Variants in ADAMTS17 observed in about 807,000 individuals in gnomAD.
The protein encoded by ADAMTS17 is ADAM metallopeptidase with thrombospondin type 1 motif 17.
In ADAMTS17, 113 loss-of-function variants were observed where a neutral mutation model predicts 141.5. The observed-to-expected ratio is 0.80, with a 90% CI of 0.69 to 0.93. The LOEUF (loss-of-function observed/expected upper bound fraction) is 0.93, where lower values mean the gene tolerates loss of function less well. Ranked by LOEUF, ADAMTS17 falls within the 40% of genes least tolerant of loss-of-function variation. The pLI is 0.00. For missense variants in ADAMTS17, 1,659 were observed against 1,517.9 expected, an observed-to-expected ratio of 1.09 and a Z score of -1.54; for synonymous variants, 768 against 630.6, an observed-to-expected ratio of 1.22 and a Z score of -3.27.
chr15:100,096,573 T>C (rs2035772808), intron 14 of ADAMTS17, 97 bp from the exon 15 acceptor site: 3 of 1,539,106 alleles, frequency 1.9e-6, no homozygotes, highest in Middle Eastern at 1.8e-4. Flanking sequence ...AGGTGCAGCA[T>C]ACATGGGGCC....
At chr15:100,038,459 T>C (rs2030952652) in intron 18 of ADAMTS17, among the ~76,000 whole-genome samples, 1 of 152,206 alleles carries the variant, frequency 6.6e-6, no homozygotes, top group East Asian at 1.9e-4. Context: ...ATTTGTAGAG[T>C]ATTGTTATCT....
intron 2 of ADAMTS17, among the ~76,000 whole-genome samples, chr15:100,339,893 G>C (rs988128059): frequency 6.6e-6 from 1 of 152,052 alleles, no homozygotes; most frequent in East Asian, 1.9e-4. Flanking sequence ...TCTCACATAA[G>C]ACCTTGCACC....
chr15:100,004,398 A>T (rs2060994364), intron 18 of ADAMTS17, among the ~76,000 whole-genome samples: 1 of 152,150 alleles, frequency 6.6e-6, no homozygotes, highest in Admixed American at 6.5e-5. Flanking sequence ...CACCTACGAC[A>T]CTTGAACGAC....
chr15:100,058,119 G>A (rs1039352265), intron 15 of ADAMTS17, among the ~76,000 whole-genome samples: 1 of 150,592 alleles, frequency 6.6e-6, no homozygotes, highest in African/African-American at 2.4e-5. Context: ...CTCCCTCCAG[G>A]GCCTCTGCCC....
intron 15 of ADAMTS17, among the ~76,000 whole-genome samples, chr15:100,071,413 A>G (rs1303428501): frequency 6.7e-6 from 1 of 150,014 alleles, no homozygotes; most frequent in Non-Finnish European, 1.5e-5. Flanking sequence ...TCATCCTGAT[A>G]CCAAAGCCTG....
chr15:100,231,766 G>C (rs2042489221), intron 7 of ADAMTS17, among the ~76,000 whole-genome samples: 1 of 152,156 alleles, frequency 6.6e-6, no homozygotes, highest in Admixed American at 6.5e-5. Flanking sequence ...TCAATGGTCT[G>C]TTGCCTCCTT....
At chr15:100,124,442 C>T (rs912386986) in intron 12 of ADAMTS17, among the ~76,000 whole-genome samples, 7 of 152,220 alleles carry the variant, frequency 4.6e-5, no homozygotes, top group African/African-American at 1.4e-4. Context: ...CACACGCATC[C>T]GAACGGCCAA....
chr15:100,326,479 G>C (rs908290101), intron 3 of ADAMTS17, among the ~76,000 whole-genome samples: 1 of 152,208 alleles, frequency 6.6e-6, no homozygotes, highest in African/African-American at 2.4e-5. Context: ...CAGGTGGAAT[G>C]AGGAGCTCAT....
In ADAMTS17 at chr15:100,281,118, C is replaced by T. The variant is rs1370171456; in HGVS notation, c.789+111G>A. 8 of 1,464,374 alleles carry T rather than the reference C, an allele frequency of 5.5e-6. No homozygotes were observed. In the Admixed American group the frequency reaches 1.3e-4, roughly 24 times the overall value. The allele number at this position is 1,464,374 out of a possible 1,614,324, so 90.7% of individuals were successfully genotyped here. A position where few individuals can be genotyped will look rare whatever the true frequency, so the allele number is the denominator to read the frequency against. ...TTACCAGGCTATGTTCCCGTATCCC[C>T]AACCCAGCGTCTTCCTCACTTGAGG... On this transcript the variant is annotated intron_variant, in intron 4 of 21. Coordinates refer to ENST00000268070, the MANE Select transcript of ADAMTS17 (RefSeq NM_139057.4).
At position 100,030,358 on chromosome 15, in the gene ADAMTS17, C is replaced by T. The variant is rs77381118; in HGVS notation, c.2591+18499G>A. ...TTATGTACTTCAATTTCATCAGGCT[C>T]CTTCCTTCAGTGGTATTTAAACCCA... On this transcript the variant is annotated intron_variant, in intron 18 of 21. Transcript: ENST00000268070. Among the ~76,000 whole-genome samples, 17 of 152,270 alleles carry T rather than the reference C, an allele frequency of 1.1e-4. No individual in the cohort carries two copies. The East Asian group carries it at 3.3e-3, about 29-fold the overall frequency.
chr15:100,110,348 T>C (rs1474190254), intron 13 of ADAMTS17, among the ~76,000 whole-genome samples: 1 of 151,302 alleles, frequency 6.6e-6, no homozygotes, highest in Non-Finnish European at 1.5e-5. Context: ...CAATGCAAAC[T>C]CCGCCTCCCA....
intron 8 of ADAMTS17, among the ~76,000 whole-genome samples, chr15:100,179,420 C>G (rs1010978569): frequency 6.6e-6 from 1 of 152,242 alleles, no homozygotes; most frequent in Middle Eastern, 3.4e-3. Flanking sequence ...GTGGTAAGTA[C>G]CATATTTTTT....
chr15:100,142,791 G>T (rs536058576), intron 10 of ADAMTS17, among the ~76,000 whole-genome samples: 1 of 152,128 alleles, frequency 6.6e-6, no homozygotes, highest in African/African-American at 2.4e-5. Context: ...GGAGTATTAC[G>T]TAGAAACAAT....
intron 4 of ADAMTS17, among the ~76,000 whole-genome samples, chr15:100,267,214 C>T (rs1361025595): frequency 1.3e-5 from 2 of 152,066 alleles, no homozygotes; most frequent in African/African-American, 4.8e-5. Context: ...CTGCAGTTAC[C>T]TCATGTAAGC....
chr15:100,122,936 T>G (rs2037524237), intron 12 of ADAMTS17, among the ~76,000 whole-genome samples: 1 of 152,092 alleles, frequency 6.6e-6, no homozygotes, highest in South Asian at 2.1e-4. Flanking sequence ...TGTACCTTGG[T>G]CCTGAGACAA....
At position 100,132,007 on chromosome 15, in the gene ADAMTS17, G is replaced by A. The variant is rs200960936; in HGVS notation, c.1721C>T (p.Pro574Leu). The A allele has an allele frequency of 1.4e-5, 23 of 1,614,056 alleles. No individual in the cohort carries two copies. The highest frequency in any genetic ancestry group is 9.9e-5 in the South Asian group (9 of 91,084). Reference sequence around the variant, plus strand: ...GGGTATGGCTGGTCAGGGGACTTACGGGGGGTTGTCACATTTCCTCTGCCT... The same window carrying A: ...GGGTATGGCTGGTCAGGGGACTTACAGGGGGTTGTCACATTTCCTCTGCCT... ...RFRQRKCDNP[P>L]PGPGGTHCPG... is the part of the protein sequence containing the mutation. The change falls in exon 12 of 22, where the codon CCC (proline) becomes CTC (leucine). Residue 574 changes from proline to leucine, a missense_variant and splice_region_variant. Pro to Leu is a moderately conservative substitution (Grantham distance 98). Coordinates refer to ENST00000268070, the MANE Select transcript of ADAMTS17 (RefSeq NM_139057.4).
At chr15:99,976,570 T>C (rs966232569) in intron 20 of ADAMTS17, 2 of 435,600 alleles carry the variant, frequency 4.6e-6, no homozygotes, top group Non-Finnish European at 8.6e-6. Flanking sequence ...CTCTGCAAAA[T>C]GCAGATGTTG....
intron 18 of ADAMTS17, among the ~76,000 whole-genome samples, chr15:100,041,467 T>C (rs1953281355): frequency 6.6e-6 from 1 of 152,232 alleles, no homozygotes; most frequent in South Asian, 2.1e-4. Flanking sequence ...CCTGCCTCCT[T>C]GCTCCAGGAC....
intron 18 of ADAMTS17, among the ~76,000 whole-genome samples, chr15:100,020,861 C>T (rs996070480): frequency 6.6e-6 from 1 of 152,182 alleles, no homozygotes; most frequent in Non-Finnish European, 1.5e-5. Flanking sequence ...CATGACGTGT[C>T]ATAATCATCT....
Sources: allele counts gnomAD v4.1 joint callset (sites outside exome capture counted in the v4.1 genomes callset), GRCh38; gene constraint gnomAD v4.1.1; transcripts MANE v1.5; gene names NCBI Gene and HGNC (gene_info 2026-07-23, HGNC 2026-07-21).